Variants in PRKCH observed in about 807,000 individuals in gnomAD.
PRKCH encodes protein kinase C eta, also known as protein kinase C eta type.
A neutral mutation model predicts 82.5 loss-of-function variants in PRKCH; 28 were observed. That is an observed-to-expected ratio of 0.34 (90% CI 0.25 to 0.47). The LOEUF is 0.47. Ranked by LOEUF, PRKCH falls within the 20% of genes least tolerant of loss-of-function variation. PRKCH has a pLI of 1.00. For synonymous variants in PRKCH, 322 were observed against 327.4 expected (o/e 0.98, Z 0.18); for missense variants, 705 against 881.8 (o/e 0.80, Z 2.54).
chr14:61,494,245 C>A (rs1174068532), intron 10 of PRKCH, among the ~76,000 whole-genome samples: 1 of 152,078 alleles, frequency 6.6e-6, no homozygotes, highest in South Asian at 2.1e-4. Context: ...CAGTGTGAGT[C>A]AAGGACAGAA....
chr14:61,449,443 G>A (rs1884383959), intron 5 of PRKCH, among the ~76,000 whole-genome samples, 191 bp downstream of exon 5: 1 of 151,004 alleles, frequency 6.6e-6, no homozygotes, highest in Non-Finnish European at 1.5e-5. Context: ...GAATAGAAAT[G>A]TCTCTCTCCC....
At chr14:61,544,045 T>G (rs983646499) in intron 12 of PRKCH, 9 of 152,302 alleles carry the variant, frequency 5.9e-5, no homozygotes, top group African/African-American at 2.2e-4. Context: ...CCCCGGACCC[T>G]CCTTCTCCCG....
chr14:61,469,286 C>CATGGAAAGAAA (rs1223454575), intron 9 of PRKCH, among the ~76,000 whole-genome samples: 1 of 152,136 alleles, frequency 6.6e-6, no homozygotes, highest in Non-Finnish European at 1.5e-5. Context: ...AAGACCAATA[C>CATGGAAAGAAA]ACATGGAAGA....
chr14:61,457,450 CACCCTAAG>C, intron 8 of PRKCH, 48 bp from the exon 9 acceptor site: 2 of 1,596,674 alleles, frequency 1.3e-6, no homozygotes, highest in Non-Finnish European at 1.7e-6. Flanking sequence ...TGTGTGCACA[CACCCTAAG>C]ACCCCCAAGA....
chr14:61,458,339 T>C lies in PRKCH; in HGVS notation c.1278+660T>C, dbSNP rs58242863. Among the ~76,000 whole-genome samples, 1,444 of 152,344 alleles carry C rather than the reference T, an allele frequency of 9.5e-3. 18 individuals carry two copies. The highest frequency in any genetic ancestry group is 0.033 in the African/African-American group (1,372 of 41,576). On this transcript the variant is annotated intron_variant, in intron 9 of 13. Coordinates refer to ENST00000332981, the MANE Select transcript of PRKCH (RefSeq NM_006255.5). ...TCATTAGTACAAACTTTTTACTTGTTGTTTCACATAATGAGAAGTCTGGTG... is the reference window on the plus strand; with the variant it reads ...TCATTAGTACAAACTTTTTACTTGTCGTTTCACATAATGAGAAGTCTGGTG...
chr14:61,536,160 C>T (rs1320885298), intron 12 of PRKCH, among the ~76,000 whole-genome samples: 1 of 137,812 alleles, frequency 7.3e-6, no homozygotes, highest in Non-Finnish European at 1.6e-5. Flanking sequence ...GGTTCCTGGC[C>T]TGGGAGTCTA....
chr14:61,414,935 G>T (rs1260008782), intron 2 of PRKCH, among the ~76,000 whole-genome samples: 2 of 151,852 alleles, frequency 1.3e-5, no homozygotes, highest in African/African-American at 4.8e-5. Flanking sequence ...TTCCTTCCTG[G>T]GCTCTTGTGT....
At chr14:61,344,663 G>A (rs1358899291) in intron 1 of PRKCH, among the ~76,000 whole-genome samples, 1 of 152,080 alleles carries the variant, frequency 6.6e-6, no homozygotes, top group African/African-American at 2.4e-5. Context: ...TCTGTAGTCA[G>A]CGGGGTTGCC....
rs568311806 is a variant in PRKCH, at chr14:61,202,772, T to C, written c.-19+15104T>C. 2.9e-4 allele frequency among the ~76,000 whole-genome samples: 44 copies of C among 152,324 alleles called. No individual in the cohort carries two copies. The Middle Eastern group carries it at 0.01, about 35-fold the overall frequency. On this transcript the variant is annotated intron_variant, in intron 1 of 3. Coordinates refer to the PRKCH transcript ENST00000555185. ...TCGTATGGGAAGTATAGAGAGTTCC[T>C]ATATACTTATCCTCACGCCCTCCTC...
chr14:61,504,907 A>G lies in PRKCH; in HGVS notation c.1433+19251A>G, dbSNP rs367587237. 5.6e-4 allele frequency among the ~76,000 whole-genome samples: 86 copies of G among 152,256 alleles called. 2 individuals carry two copies. The East Asian group carries it at 0.011, about 19-fold the overall frequency. On this transcript the variant is annotated intron_variant, in intron 10 of 13. Coordinates refer to ENST00000332981, the MANE Select transcript of PRKCH (RefSeq NM_006255.5). ...ATCCATCCATTCATTTACTCATTCA[A>G]CAAATGTTAATTGAGACCTATTTTT... is the stretch of plus-strand genomic sequence containing the variant.
intron 1 of PRKCH, among the ~76,000 whole-genome samples, chr14:61,213,209 C>T (rs758769705): frequency 1.3e-5 from 2 of 152,168 alleles, no homozygotes; most frequent in African/African-American, 2.4e-5. Flanking sequence ...CTGAAACTCC[C>T]GCCTTACCCT....
At chr14:61,277,066 A>G (rs962287337) in intron 1 of PRKCH, among the ~76,000 whole-genome samples, 4 of 152,058 alleles carry the variant, frequency 2.6e-5, no homozygotes, top group African/African-American at 9.7e-5. Context: ...TGCACCTGTA[A>G]TCTCAGCTAC....
intron 1 of PRKCH, among the ~76,000 whole-genome samples, chr14:61,355,882 G>T (rs917760573): frequency 6.6e-6 from 1 of 152,196 alleles, no homozygotes; most frequent in Admixed American, 6.5e-5. Context: ...TGCAAGAGAG[G>T]CAGCAACGTC....
intron 1 of PRKCH, among the ~76,000 whole-genome samples, chr14:61,292,637 G>T (rs1330525965): frequency 6.6e-6 from 1 of 152,024 alleles, no homozygotes; most frequent in East Asian, 1.9e-4. Flanking sequence ...CAGGCATAGT[G>T]GTGCGTGCCT....
At chr14:61,334,126 C>G (rs1006394747) in intron 1 of PRKCH, among the ~76,000 whole-genome samples, 3 of 152,166 alleles carry the variant, frequency 2.0e-5, no homozygotes, top group African/African-American at 7.2e-5. Context: ...GGCCAAGATT[C>G]TTTCCCGACT....
intron 10 of PRKCH, among the ~76,000 whole-genome samples, chr14:61,506,212 C>CT (rs1397959445): frequency 6.6e-6 from 1 of 152,164 alleles, no homozygotes; most frequent in Admixed American, 6.5e-5. Context: ...GTTTGGATGA[C>CT]AGAAATACTG....
intron 2 of PRKCH, among the ~76,000 whole-genome samples, chr14:61,436,115 T>C (rs1202636983): frequency 2.6e-5 from 4 of 152,200 alleles, no homozygotes; most frequent in Admixed American, 2.6e-4. Context: ...ACTTTGGCCC[T>C]GTTGCAGATG....
chr14:61,248,232 A>G (rs2044905485), intron 1 of PRKCH, among the ~76,000 whole-genome samples: 1 of 152,132 alleles, frequency 6.6e-6, no homozygotes, highest in Admixed American at 6.5e-5. Context: ...CTAAAATGCA[A>G]CCTCATCCAT....
intron 1 of PRKCH, among the ~76,000 whole-genome samples, chr14:61,286,365 G>A (rs2045313784): frequency 6.6e-6 from 1 of 152,206 alleles, no homozygotes; most frequent in African/African-American, 2.4e-5. Context: ...ACCCCCTAGT[G>A]GAAGATGCAG....
Sources: gnomAD v4.1 joint callset for allele counts (sites outside exome capture counted in the v4.1 genomes callset) on GRCh38, gnomAD v4.1.1 for gene constraint, MANE v1.5 for transcripts, NCBI Gene and HGNC (gene_info 2026-07-23, HGNC 2026-07-21) for gene names.